Variants in CCND2 observed in about 807,000 individuals in gnomAD.
CCND2 encodes the protein G1/S-specific cyclin-D2.
CCND2 carries 6 observed loss-of-function variants against 30.2 expected under a neutral mutation model. The observed-to-expected ratio is 0.20, with a 90% CI of 0.11 to 0.39. The LOEUF (loss-of-function observed/expected upper bound fraction) is 0.39. Among genes scored for constraint, CCND2 ranks in the 10% least tolerant of loss-of-function variants. The probability of loss-of-function intolerance (pLI) is 1.00; values close to 1 mark genes in which losing one functional copy is unlikely to be tolerated. For synonymous variants in CCND2, 150 were observed against 153.1 expected (o/e 0.98, Z 0.15); for missense variants, 235 against 373.4 (o/e 0.63, Z 3.06).
intron 4 of CCND2, among the ~76,000 whole-genome samples, chr12:4,296,583 C>T (rs1480320768): frequency 2.0e-5 from 3 of 152,190 alleles, no homozygotes; most frequent in Non-Finnish European, 4.4e-5. Flanking sequence ...AACAAAAGCT[C>T]TTAGGCCTTA....
At position 4,301,851 on chromosome 12, in the gene CCND2, A is replaced by G; in HGVS notation, c.*1842A>G. The G allele has an allele frequency of 4.3e-6, 1 of 231,344 alleles. No homozygotes were observed. Among genetic ancestry groups the G allele is most frequent in the East Asian group, 6.1e-5 (1 of 16,400 alleles). 14.3% of individuals were successfully genotyped at this position (231,344 alleles called of 1,614,324 possible). On this transcript the variant is annotated 3_prime_UTR_variant, in exon 5 of 5. Coordinates refer to ENST00000261254, the MANE Select transcript of CCND2 (RefSeq NM_001759.4). ...AAGTCCTGAAGTAGATGGTTGAGAT[A>G]TGAGTTCTTCGTACTGGAAAAGCCC...
intron 4 of CCND2, among the ~76,000 whole-genome samples, chr12:4,294,223 C>T (rs1463801629): frequency 6.6e-6 from 1 of 151,212 alleles, no homozygotes; most frequent in Non-Finnish European, 1.5e-5. Context: ...GCCCTTGTAA[C>T]GAGCTGAAGA....
Position 4,301,402 on chromosome 12 carries a change from A to G in CCND2, c.*1393A>G. On this transcript the variant is annotated 3_prime_UTR_variant, in exon 5 of 5. Coordinates refer to ENST00000261254, the MANE Select transcript of CCND2 (RefSeq NM_001759.4). ...TTAATTTTATTGCAAAGTTGTATTC[A>G]GCGTACTTGAATTTTTCTTCCTCTC... 4.3e-6 allele frequency: 1 copy of G among 231,168 alleles called. No individual in the cohort carries two copies. The highest frequency in any genetic ancestry group is 8.5e-6 in the Non-Finnish European group (1 of 117,662). 14.3% of individuals were successfully genotyped at this position (231,168 alleles called of 1,614,324 possible).
In CCND2 at chr12:4,274,286, G is replaced by A; in HGVS notation, c.195+51G>A. 6.3e-7 allele frequency: 1 copy of A among 1,582,432 alleles called. No individual in the cohort carries two copies. The highest frequency in any genetic ancestry group is 8.6e-7 in the Non-Finnish European group (1 of 1,156,490). ...GGAGCCAGGACCCCTCCGGATGCTC[G>A]GGTCCCCGGCCGGAGCCCTAAACCT... On this transcript the variant is annotated intron_variant, in intron 1 of 4. Transcript: ENST00000261254. The surrounding 1 kb of genome is among the most constrained non-coding windows in gnomAD (Gnocchi z 7.7).
chr12:4,300,557 T>C lies in CCND2; in HGVS notation c.*548T>C, dbSNP rs980272611. The C allele has an allele frequency of 8.5e-6, 2 of 234,292 alleles. No individual in the cohort carries two copies. The highest frequency in any genetic ancestry group is 1.2e-4 in the East Asian group (2 of 16,594). 14.5% of individuals were successfully genotyped at this position (234,292 alleles called of 1,614,324 possible). ...ATTTGGGATGGAGAAGCACCTTTGC[T>C]CTCAGCCACCTGTTACTAAGTCAGG... On this transcript the variant is annotated 3_prime_UTR_variant, in exon 5 of 5. Transcript: ENST00000261254.
chr12:4,298,652 T>C (rs1864206823), intron 4 of CCND2, among the ~76,000 whole-genome samples: 1 of 152,260 alleles, frequency 6.6e-6, no homozygotes, highest in Non-Finnish European at 1.5e-5. Flanking sequence ...GGGAAGTTTA[T>C]ATTAAACTAT....
chr12:4,292,844 G>T (rs536217948), intron 4 of CCND2, among the ~76,000 whole-genome samples: 2 of 152,318 alleles, frequency 1.3e-5, no homozygotes, highest in African/African-American at 4.8e-5. Flanking sequence ...CGGTGACCAT[G>T]GCCCTGCTTC....
rs1019865420 is a variant in CCND2, at chr12:4,299,638, T to G, written c.721-222T>G. Among the ~76,000 whole-genome samples the G allele has an allele frequency of 6.6e-6, 1 of 152,146 alleles. No individual in the cohort carries two copies. Among genetic ancestry groups the G allele is most frequent in the African/African-American group, 2.4e-5 (1 of 41,454 alleles). ...GCCTGGGTTGACTGAGATTCTGCGGTTCCAACAAGCTCGCAGGTGATGCTG... is the reference window on the plus strand; with the variant it reads ...GCCTGGGTTGACTGAGATTCTGCGGGTCCAACAAGCTCGCAGGTGATGCTG... On this transcript the variant is annotated intron_variant, in intron 4 of 4. Transcript: ENST00000261254. This position sits in a 1 kb window ranked among gnomAD's most constrained non-coding sequence, Gnocchi z 5.2.
intron 4 of CCND2, chr12:4,297,706 G>A (rs748513551): frequency 1.1e-4 from 25 of 234,578 alleles, no homozygotes; most frequent in Non-Finnish European, 2.1e-4. Context: ...GGGAAGAGCC[G>A]AACAGGGATG....
chr12:4,273,985 A>G lies in CCND2; in HGVS notation c.-56A>G. The G allele has an allele frequency of 6.4e-7, 1 of 1,552,652 alleles. No individual in the cohort carries two copies. Among genetic ancestry groups the G allele is most frequent in the East Asian group, 2.3e-5 (1 of 43,250 alleles). ...CTCCCCTTCCAAAAAACAAAAACAG[A>G]AAAACCTTTTTCCAGGCCGGGGAAA... On this transcript the variant is annotated 5_prime_UTR_variant, in exon 1 of 5. Transcript: ENST00000261254. This position sits in a 1 kb window ranked among gnomAD's most constrained non-coding sequence, Gnocchi z 5.9.
Position 4,302,994 on chromosome 12 carries a change from G to A in CCND2, c.*2985G>A, listed in dbSNP as rs1034430358. Reference sequence around the variant, plus strand: ...AGGAGTCCCACGGAATGGGGAAAGCGGGAACCCTGGAGTTCTTGGGAATCT... The same window carrying A: ...AGGAGTCCCACGGAATGGGGAAAGCAGGAACCCTGGAGTTCTTGGGAATCT... On this transcript the variant is annotated 3_prime_UTR_variant, in exon 5 of 5. Transcript: ENST00000261254. 6 of 233,160 alleles carry A rather than the reference G, an allele frequency of 2.6e-5. No individual in the cohort carries two copies. The highest frequency in any genetic ancestry group is 1.8e-4 in the South Asian group (1 of 5,532). The allele number at this position is 233,160 out of a possible 1,614,324, so 14.4% of individuals were successfully genotyped here.
intron 3 of CCND2, among the ~76,000 whole-genome samples, chr12:4,280,006 C>T (rs1050348586): frequency 1.3e-5 from 2 of 151,446 alleles, no homozygotes; most frequent in Admixed American, 1.3e-4. Context: ...GCCCTGTGCT[C>T]ACAGTCAAAA....
In CCND2 at chr12:4,302,656, G is replaced by A. The variant is rs1864266697; in HGVS notation, c.*2647G>A. 2 of 233,238 alleles carry A rather than the reference G, an allele frequency of 8.6e-6. No homozygotes were observed. Among genetic ancestry groups the A allele is most frequent in the African/African-American group, 2.2e-5 (1 of 45,438 alleles). 14.4% of individuals were successfully genotyped at this position (233,238 alleles called of 1,614,324 possible). ...CTCTGCTGAGCGGTACTAAACGGTCGGGTTTTCAATCACACTGAATTGGCA... is the reference window on the plus strand; with the variant it reads ...CTCTGCTGAGCGGTACTAAACGGTCAGGTTTTCAATCACACTGAATTGGCA... On this transcript the variant is annotated 3_prime_UTR_variant, in exon 5 of 5. Coordinates refer to ENST00000261254, the MANE Select transcript of CCND2 (RefSeq NM_001759.4).
At chr12:4,275,968 A>C (rs1452482546) in intron 1 of CCND2, 37 bp from the exon 2 acceptor site, 42 of 1,169,694 alleles carry the variant, frequency 3.6e-5, no homozygotes, top group South Asian at 1.3e-4. Flanking sequence ...TATGCTCTCC[A>C]CCCCCGCCCC....
Position 4,302,825 on chromosome 12 carries a change from G to T in CCND2, c.*2816G>T. The T allele has an allele frequency of 4.3e-6, 1 of 233,310 alleles. No homozygotes were observed. The highest frequency in any genetic ancestry group is 8.5e-6 in the Non-Finnish European group (1 of 118,050). 14.5% of individuals were successfully genotyped at this position (233,310 alleles called of 1,614,324 possible). ...GGTTCAGGACTTTGTGAGTTAGCAT[G>T]ACCCTAAAATTCTAGGGGATTTCTG... On this transcript the variant is annotated 3_prime_UTR_variant, in exon 5 of 5. Transcript: ENST00000261254.
chr12:4,278,698 C>T (rs980417500), intron 2 of CCND2, 62 bp from the exon 3 acceptor site: 5 of 1,577,130 alleles, frequency 3.2e-6, no homozygotes, highest in Admixed American at 1.7e-5. Context: ...CCCCCAGCCC[C>T]CTACACCAGG....
chr12:4,283,362 G>T (rs1313518057), intron 3 of CCND2, among the ~76,000 whole-genome samples: 1 of 152,140 alleles, frequency 6.6e-6, no homozygotes, highest in Non-Finnish European at 1.5e-5. Flanking sequence ...TCCCACTTCC[G>T]ACGTGAAAGG....
intron 3 of CCND2, among the ~76,000 whole-genome samples, chr12:4,288,600 G>T (rs3217852): frequency 1.3e-5 from 2 of 152,140 alleles, no homozygotes; most frequent in African/African-American, 2.4e-5. Flanking sequence ...CATTGTGTGC[G>T]CTTAGATAAG....
Position 4,299,850 on chromosome 12 carries a change from A to T in CCND2, c.721-10A>T. 6.2e-7 allele frequency: 1 copy of T among 1,613,064 alleles called. No individual in the cohort carries two copies. Among genetic ancestry groups the T allele is most frequent in the Non-Finnish European group, 8.5e-7 (1 of 1,179,304 alleles). On this transcript the variant is annotated splice_polypyrimidine_tract_variant and intron_variant, in intron 4 of 4. Transcript: ENST00000261254. The surrounding 1 kb of genome is among the most constrained non-coding windows in gnomAD (Gnocchi z 5.2). ...CTTACTAACAACTCTGGTCTGGACC[A>T]TTGTTCTAGGATTGTCTCAAAGCTT...
Sources: allele counts gnomAD v4.1 joint callset (sites outside exome capture counted in the v4.1 genomes callset), GRCh38; gene constraint gnomAD v4.1.1; non-coding constraint Gnocchi (gnomAD v3.1); transcripts MANE v1.5; gene names NCBI Gene and HGNC (gene_info 2026-07-23, HGNC 2026-07-21).